The following TCF12 variants were observed in gnomAD, a reference collection of about 807,000 sequenced individuals.
TCF12 encodes the protein transcription factor 12.
Under a neutral mutation model 86.0 loss-of-function variants are expected in TCF12, and 45 were observed. That is an observed-to-expected ratio of 0.52 (90% confidence interval 0.41 to 0.67). The LOEUF (loss-of-function observed/expected upper bound fraction) is 0.67. Ranked by LOEUF, TCF12 falls within the 30% of genes least tolerant of loss-of-function variation. TCF12 has a pLI of 0.00. For missense variants in TCF12, 881 were observed against 859.9 expected, an observed-to-expected ratio of 1.02 and a Z score of -0.31; for synonymous variants, 330 against 299.6, an observed-to-expected ratio of 1.10 and a Z score of -1.05.
At chr15:57,023,587 A>T (rs1211977301) in intron 3 of TCF12, among the ~76,000 whole-genome samples, 1 of 152,198 alleles carries the variant, frequency 6.6e-6, no homozygotes, top group Non-Finnish European at 1.5e-5. Context: ...AAAATTAAGC[A>T]GATTGGATTC....
At position 57,287,853 on chromosome 15, in the gene TCF12, G is replaced by GA. The variant is rs1473143258; in HGVS notation, c.*1708_*1709insA. On this transcript the variant is annotated 3_prime_UTR_variant, in exon 21 of 21. Coordinates refer to ENST00000333725, the MANE Select transcript of TCF12 (RefSeq NM_207037.2). Reference sequence around the variant, plus strand: ...TCTCCAGTTACATCGGACTCTATCTGTGGCCTTGTTCTTCATTTCAGTGTT... The same window carrying GA: ...TCTCCAGTTACATCGGACTCTATCTGATGGCCTTGTTCTTCATTTCAGTGTT... 3 of 152,664 alleles carry GA rather than the reference G, an allele frequency of 2.0e-5. No individual in the cohort carries two copies. The highest frequency in any genetic ancestry group is 7.2e-5 in the African/African-American group (3 of 41,562). 9.5% of individuals were successfully genotyped at this position (152,664 alleles called of 1,614,324 possible). A position where few individuals can be genotyped will look rare whatever the true frequency, so the allele number is the denominator to read the frequency against.
At chr15:57,191,578 G>A (rs1434776640) in intron 6 of TCF12, among the ~76,000 whole-genome samples, 5 of 152,192 alleles carry the variant, frequency 3.3e-5, no homozygotes, top group African/African-American at 1.2e-4. Flanking sequence ...TAAAAAGTGT[G>A]ATACCACACA....
At chr15:57,014,136 G>A (rs1202015301) in intron 3 of TCF12, among the ~76,000 whole-genome samples, 1 of 152,052 alleles carries the variant, frequency 6.6e-6, no homozygotes, top group Admixed American at 6.5e-5. Flanking sequence ...TGACTCCTTG[G>A]GTCTATTGAT....
chr15:57,099,881 T>A (rs2049603661), intron 5 of TCF12, among the ~76,000 whole-genome samples: 1 of 151,992 alleles, frequency 6.6e-6, no homozygotes. Flanking sequence ...TTTTTTTTTT[T>A]AAGTTATCTG....
At chr15:57,037,814 T>C (rs1314209941) in intron 3 of TCF12, among the ~76,000 whole-genome samples, 11 of 152,208 alleles carry the variant, frequency 7.2e-5, no homozygotes, top group African/African-American at 2.7e-4. Flanking sequence ...TTTAATTAGA[T>C]GTGGCAAAAA....
chr15:56,984,925 T>G (rs899788512), intron 3 of TCF12, among the ~76,000 whole-genome samples: 2 of 152,170 alleles, frequency 1.3e-5, no homozygotes, highest in Non-Finnish European at 2.9e-5. Flanking sequence ...CCGTGAAAAA[T>G]ACTGAGGCTG....
At chr15:57,202,180 G>A (rs564069205) in intron 8 of TCF12, among the ~76,000 whole-genome samples, 3 of 152,074 alleles carry the variant, frequency 2.0e-5, no homozygotes, top group Admixed American at 1.3e-4. Context: ...ATCACACATA[G>A]GGCCAAGATT....
intron 8 of TCF12, among the ~76,000 whole-genome samples, chr15:57,214,787 G>A (rs1271858981): frequency 6.6e-6 from 1 of 152,026 alleles, no homozygotes; most frequent in African/African-American, 2.4e-5. Context: ...AGGCTTAATT[G>A]GAACAGTTTT....
chr15:57,000,866 A>G (rs2141047755), intron 3 of TCF12, among the ~76,000 whole-genome samples: 1 of 152,042 alleles, frequency 6.6e-6, no homozygotes, highest in South Asian at 2.1e-4. Context: ...TTAGTTTTTC[A>G]CTGCTGAAAT....
intron 3 of TCF12, among the ~76,000 whole-genome samples, chr15:57,015,795 G>A (rs1298139972): frequency 1.3e-5 from 2 of 152,194 alleles, no homozygotes; most frequent in Admixed American, 6.5e-5. Context: ...GTGGGCTTGT[G>A]CCCTGACTGA....
At chr15:57,157,609 C>T (rs1363393210) in intron 5 of TCF12, among the ~76,000 whole-genome samples, 1 of 148,340 alleles carries the variant, frequency 6.7e-6, no homozygotes, top group Non-Finnish European at 1.5e-5. Flanking sequence ...ACCACCCAGG[C>T]TGGAGTACAA....
intron 5 of TCF12, among the ~76,000 whole-genome samples, chr15:57,095,410 T>C (rs544030435): frequency 6.6e-6 from 1 of 152,324 alleles, no homozygotes; most frequent in South Asian, 2.1e-4. Flanking sequence ...ATCAGTTTAC[T>C]GGTTGAACTT....
intron 5 of TCF12, among the ~76,000 whole-genome samples, chr15:57,111,372 A>G (rs2050477708): frequency 6.6e-6 from 1 of 152,056 alleles, no homozygotes; most frequent in Admixed American, 6.5e-5. Context: ...TTTTCTCTCT[A>G]AGACCTAAGC....
intron 3 of TCF12, among the ~76,000 whole-genome samples, chr15:57,024,714 A>G (rs780288873): frequency 2.0e-5 from 3 of 152,198 alleles, no homozygotes; most frequent in African/African-American, 7.2e-5. Flanking sequence ...TAGTAAGAAG[A>G]ATAGTGCCAA....
intron 3 of TCF12, among the ~76,000 whole-genome samples, chr15:56,921,470 A>T (rs1308315795): frequency 2.0e-5 from 3 of 152,060 alleles, no homozygotes; most frequent in Non-Finnish European, 2.9e-5. Flanking sequence ...CTTGTCTTTA[A>T]ATTTACTTTC....
chr15:57,216,711 T>A (rs1160443643), intron 8 of TCF12, among the ~76,000 whole-genome samples: 2 of 152,078 alleles, frequency 1.3e-5, no homozygotes, highest in African/African-American at 2.4e-5. Context: ...AATTAATTTT[T>A]AAAAAATTGG....
chr15:57,100,550 A>T (rs1316295354), intron 5 of TCF12, among the ~76,000 whole-genome samples: 1 of 151,764 alleles, frequency 6.6e-6, no homozygotes, highest in Non-Finnish European at 1.5e-5. Context: ...GACATGAGCC[A>T]CTTTATCTAG....
chr15:57,098,732 T>C (rs1419615681), intron 5 of TCF12, among the ~76,000 whole-genome samples: 1 of 152,216 alleles, frequency 6.6e-6, no homozygotes, highest in Non-Finnish European at 1.5e-5. Context: ...CTTTTTGTTA[T>C]AAGTGACAGA....
chr15:57,148,032 C>G (rs1197832851), intron 5 of TCF12, among the ~76,000 whole-genome samples: 1 of 151,770 alleles, frequency 6.6e-6, no homozygotes, highest in Non-Finnish European at 1.5e-5. Context: ...GTGCACGTCA[C>G]CATGCCCTGC....
Sources: allele counts gnomAD v4.1 joint callset (sites outside exome capture counted in the v4.1 genomes callset), GRCh38; gene constraint gnomAD v4.1.1; transcripts MANE v1.5; gene names NCBI Gene and HGNC (gene_info 2026-07-23, HGNC 2026-07-21).